The following EVA1A variants were observed in gnomAD, a reference collection of about 807,000 sequenced individuals.
The protein encoded by EVA1A is eva-1 homolog A, regulator of programmed cell death.
In EVA1A, 7 loss-of-function variants were observed where a neutral mutation model predicts 9.8. That is an observed-to-expected ratio of 0.71 (90% confidence interval 0.41 to 1.34). The LOEUF (loss-of-function observed/expected upper bound fraction) is 1.34, where lower values mean the gene tolerates loss of function less well. Among genes scored for constraint, EVA1A ranks in the 40% most tolerant of loss-of-function variants. The pLI is 0.01. For synonymous variants in EVA1A, 90 were observed against 85.6 expected (o/e 1.05, Z -0.28); for missense variants, 206 against 205.9 (o/e 1.00, Z 0.00).
At chr2:75,559,706 G>GC (rs386390503) in intron 1 of EVA1A, among the ~76,000 whole-genome samples, 5 of 131,322 alleles carry the variant, frequency 3.8e-5, no homozygotes, top group East Asian at 2.7e-4. Flanking sequence ...GTGGGGGGGG[G>GC]GCGGGGGAGT....
chr2:75,515,874 C>G (rs189684708), intron 3 of EVA1A, among the ~76,000 whole-genome samples: 212 of 152,314 alleles, frequency 1.4e-3, no homozygotes, highest in African/African-American at 5.0e-3. Flanking sequence ...TAGACACCCC[C>G]CTAACAAAGA....
intron 1 of EVA1A, among the ~76,000 whole-genome samples, chr2:75,557,498 A>G (rs910336909): frequency 1.3e-5 from 2 of 152,226 alleles, no homozygotes; most frequent in Non-Finnish European, 2.9e-5. Flanking sequence ...ATAATGTGGG[A>G]CACTCAGCTG....
chr2:75,563,858 G>A (rs1402412270), upstream of EVA1A, among the ~76,000 whole-genome samples: 1 of 152,104 alleles, frequency 6.6e-6, no homozygotes, highest in Non-Finnish European at 1.5e-5. Flanking sequence ...TGAAGGTACC[G>A]TGTGTGGCTT....
intron 3 of EVA1A, among the ~76,000 whole-genome samples, chr2:75,501,024 CA>C (rs78473697): frequency 0.041 from 5,351 of 131,432 alleles, 252 homozygotes; most frequent in African/African-American, 0.12. Context: ...ATTACTTTTA[CA>C]AAAAAAAAAA....
At chr2:75,540,784 T>C (rs960083207) in intron 1 of EVA1A, 1 of 152,192 alleles carries the variant, frequency 6.6e-6, no homozygotes, top group Non-Finnish European at 1.5e-5. Flanking sequence ...AATCGGATGA[T>C]GGCACTGTAC....
At chr2:75,516,115 A>T (rs1674998665) in intron 3 of EVA1A, among the ~76,000 whole-genome samples, 1 of 152,270 alleles carries the variant, frequency 6.6e-6, no homozygotes, top group Non-Finnish European at 1.5e-5. Flanking sequence ...GAATGAGGAC[A>T]TGAGACAGCT....
At chr2:75,530,880 A>G (rs56789905) in intron 1 of EVA1A, among the ~76,000 whole-genome samples, 115 of 152,206 alleles carry the variant, frequency 7.6e-4, no homozygotes, top group African/African-American at 2.4e-3. Context: ...TCAATTAAAC[A>G]TAGTACTGGA....
chr2:75,562,763 G>T (rs1043719107), upstream of EVA1A, among the ~76,000 whole-genome samples: 3 of 152,222 alleles, frequency 2.0e-5, no homozygotes, highest in Admixed American at 6.5e-5. Context: ...GAGAAGCGGG[G>T]TTTCCTGATG....
chr2:75,531,632 A>C (rs1675652947), intron 1 of EVA1A, among the ~76,000 whole-genome samples: 1 of 152,160 alleles, frequency 6.6e-6, no homozygotes, highest in East Asian at 1.9e-4. Context: ...GGAGTTGGAG[A>C]CCATTATTCT....
chr2:75,559,804 C>T (rs971263820), intron 1 of EVA1A, among the ~76,000 whole-genome samples: 13 of 151,846 alleles, frequency 8.6e-5, no homozygotes, highest in South Asian at 2.1e-4. Flanking sequence ...CCAGCTAGGA[C>T]CCAAATCCTG....
intron 3 of EVA1A, among the ~76,000 whole-genome samples, chr2:75,495,782 A>G (rs539177004): frequency 6.6e-6 from 1 of 152,214 alleles, no homozygotes; most frequent in Non-Finnish European, 1.5e-5. Flanking sequence ...AAAGAAAATT[A>G]AAAAATATTG....
intron 1 of EVA1A, among the ~76,000 whole-genome samples, chr2:75,547,149 G>A (rs1676358684): frequency 6.6e-6 from 1 of 152,176 alleles, no homozygotes; most frequent in South Asian, 2.1e-4. Context: ...ATTAACACTT[G>A]CAGCCGACTT....
intron 1 of EVA1A, among the ~76,000 whole-genome samples, chr2:75,555,336 T>TCTCTCTCTCTCTCTCTCTCGCC (rs766586263): frequency 9.7e-6 from 1 of 102,744 alleles, no homozygotes; most frequent in Non-Finnish European, 2.2e-5. Flanking sequence ...TCTCTCTCTC[T>TCTCTCTCTCTCTCTCTCTCGCC]CCCCCATCTC....
intron 1 of EVA1A, among the ~76,000 whole-genome samples, chr2:75,532,532 A>C (rs1675703058): frequency 6.6e-6 from 1 of 152,226 alleles, no homozygotes; most frequent in Admixed American, 6.5e-5. Context: ...CAGATGAAAC[A>C]ATGAGTGATC....
At chr2:75,530,605 A>G (rs1675612282) in intron 1 of EVA1A, among the ~76,000 whole-genome samples, 2 of 152,216 alleles carry the variant, frequency 1.3e-5, no homozygotes, top group South Asian at 4.1e-4. Flanking sequence ...AACATACACA[A>G]GTCAATAAAT....
At chr2:75,549,349 C>T (rs952453980) in intron 1 of EVA1A, among the ~76,000 whole-genome samples, 1 of 152,188 alleles carries the variant, frequency 6.6e-6, no homozygotes, top group African/African-American at 2.4e-5. Context: ...AGCATCCCAG[C>T]CACACCTTCC....
intron 2 of EVA1A, chr2:75,518,884 C>T: frequency 1.0e-6 from 1 of 984,990 alleles, no homozygotes; most frequent in South Asian, 4.7e-5. Context: ...CCCAGAACTG[C>T]CAAAGCAGTT....
At chr2:75,532,262 G>A (rs1434323220) in intron 1 of EVA1A, among the ~76,000 whole-genome samples, 7 of 150,124 alleles carry the variant, frequency 4.7e-5, no homozygotes, top group African/African-American at 1.7e-4. Flanking sequence ...AATAAAGAAA[G>A]GACAGGACAC....
intron 1 of EVA1A, among the ~76,000 whole-genome samples, chr2:75,568,832 C>T (rs190759903): frequency 1.4e-3 from 209 of 152,330 alleles, no homozygotes; most frequent in Non-Finnish European, 1.9e-3. Flanking sequence ...GATGTACATA[C>T]ACCACATTTT....
Sources: gnomAD v4.1 joint callset for allele counts (sites outside exome capture counted in the v4.1 genomes callset) on GRCh38, gnomAD v4.1.1 for gene constraint, MANE v1.5 for transcripts, NCBI Gene and HGNC (gene_info 2026-07-23, HGNC 2026-07-21) for gene names.